Variants in NGF observed in about 807,000 individuals in gnomAD.
The protein encoded by NGF is beta-nerve growth factor.
A neutral mutation model predicts 12.8 loss-of-function variants in NGF; 4 were observed. That is an observed-to-expected ratio of 0.31 (90% CI 0.15 to 0.72). The LOEUF (loss-of-function observed/expected upper bound fraction) is 0.72, where lower values mean the gene tolerates loss of function less well. NGF is among the 30% of genes least tolerant of loss of function. The pLI, the probability that NGF is intolerant of heterozygous loss-of-function variation, is 0.69. For synonymous variants in NGF, 140 were observed against 130.0 expected, an observed-to-expected ratio of 1.08 and a Z score of -0.52; for missense variants, 283 against 330.8, an observed-to-expected ratio of 0.86 and a Z score of 1.12.
At position 115,305,375 on chromosome 1, in the gene NGF, G is replaced by T. The variant is rs184960649; in HGVS notation, c.-136-11625C>A. ...GGTGGCATGATGGACAACAGCCCAGGTCCCTTGCTCTGCAATTCACTCCTT... is the reference window on the plus strand; with the variant it reads ...GGTGGCATGATGGACAACAGCCCAGTTCCCTTGCTCTGCAATTCACTCCTT... On this transcript the variant is annotated intron_variant, in intron 1 of 2. Coordinates refer to ENST00000369512, the MANE Select transcript of NGF (RefSeq NM_002506.3). Among the ~76,000 whole-genome samples the T allele has an allele frequency of 8.5e-5, 13 of 152,284 alleles. No individual in the cohort carries two copies. In the East Asian group the frequency reaches 2.5e-3, roughly 29 times the overall value.
intron 1 of NGF, among the ~76,000 whole-genome samples, chr1:115,324,923 A>G (rs556143652): frequency 6.6e-6 from 1 of 152,336 alleles, no homozygotes; most frequent in Non-Finnish European, 1.5e-5. Context: ...GTCCCTCAAT[A>G]AACACAGCAA....
chr1:115,314,335 A>G (rs1027733352), intron 1 of NGF, among the ~76,000 whole-genome samples: 1 of 152,120 alleles, frequency 6.6e-6, no homozygotes, highest in African/African-American at 2.4e-5. Flanking sequence ...TCTGACTGGG[A>G]TTGCACCTCC....
At chr1:115,310,609 A>G (rs959044805) in intron 1 of NGF, among the ~76,000 whole-genome samples, 12 of 152,110 alleles carry the variant, frequency 7.9e-5, no homozygotes, top group African/African-American at 2.9e-4. Context: ...AGAATAATAA[A>G]CTGATAAATT....
chr1:115,329,504 G>A (rs1654857305), intron 1 of NGF, among the ~76,000 whole-genome samples: 1 of 151,998 alleles, frequency 6.6e-6, no homozygotes, highest in Non-Finnish European at 1.5e-5. Context: ...CACTTTTTTT[G>A]ACTATGACTT....
intron 1 of NGF, among the ~76,000 whole-genome samples, chr1:115,336,748 GA>G (rs955507123): frequency 6.6e-6 from 1 of 152,222 alleles, no homozygotes; most frequent in African/African-American, 2.4e-5. Context: ...TCGAGAAGGG[GA>G]AAGATTCCCT....
chr1:115,286,875 T>A, intron 2 of NGF, 68 bp from the exon 3 acceptor site: 4 of 1,592,630 alleles, frequency 2.5e-6, no homozygotes, highest in Non-Finnish European at 3.4e-6. Context: ...AGTTTCTGGG[T>A]CCCTCAGAGT....
chr1:115,328,054 G>C (rs1557947444), intron 1 of NGF, among the ~76,000 whole-genome samples: 1 of 152,146 alleles, frequency 6.6e-6, no homozygotes. Context: ...CTAAAAAGCA[G>C]CATTAAATCT....
intron 1 of NGF, among the ~76,000 whole-genome samples, chr1:115,300,104 C>G (rs1272766997): frequency 6.6e-6 from 1 of 152,176 alleles, no homozygotes; most frequent in Non-Finnish European, 1.5e-5. Flanking sequence ...ATTGAATGTC[C>G]TCGGCTCTTC....
intron 1 of NGF, among the ~76,000 whole-genome samples, chr1:115,327,995 G>C (rs760225368): frequency 1.3e-5 from 2 of 152,152 alleles, no homozygotes; most frequent in Non-Finnish European, 2.9e-5. Context: ...CTCTTTTCTC[G>C]CCTTCTGTCC....
At chr1:115,295,869 G>A (rs190598471) in intron 1 of NGF, among the ~76,000 whole-genome samples, 1 of 152,230 alleles carries the variant, frequency 6.6e-6, no homozygotes, top group Admixed American at 6.5e-5. Context: ...CAGGTCCTGT[G>A]CTGGCCACTG....
intron 2 of NGF, among the ~76,000 whole-genome samples, chr1:115,289,448 GTGGGCTC>G (rs1304990428): frequency 6.6e-6 from 1 of 152,076 alleles, no homozygotes; most frequent in Non-Finnish European, 1.5e-5. Context: ...CTCTCCTTTG[GTGGGCTC>G]CTCCTCTTCT....
At chr1:115,333,099 C>A (rs1654967640) in intron 1 of NGF, among the ~76,000 whole-genome samples, 1 of 152,148 alleles carries the variant, frequency 6.6e-6, no homozygotes, top group African/African-American at 2.4e-5. Context: ...ACCCCCTAAC[C>A]TGGGCAAGGG....
At chr1:115,333,759 CCCT>C (rs1655020734) in intron 1 of NGF, among the ~76,000 whole-genome samples, 1 of 103,612 alleles carries the variant, frequency 9.7e-6, no homozygotes. Context: ...CCTCCCTCCC[CCCT>C]CTCTCTCTTT....
chr1:115,290,261 C>G (rs2268792), intron 2 of NGF, among the ~76,000 whole-genome samples: 10,799 of 152,126 alleles, frequency 0.071, 697 homozygotes, highest in East Asian at 0.24. Flanking sequence ...GCTCCCCTAC[C>G]CTCTCAGGGC....
At chr1:115,321,846 C>T (rs961848926) in intron 1 of NGF, among the ~76,000 whole-genome samples, 1 of 152,144 alleles carries the variant, frequency 6.6e-6, no homozygotes, top group South Asian at 2.1e-4. Flanking sequence ...AAACAGATGG[C>T]AAGCCCCTTA....
intron 1 of NGF, among the ~76,000 whole-genome samples, chr1:115,294,547 T>C (rs895680385): frequency 3.9e-5 from 6 of 152,126 alleles, no homozygotes; most frequent in Admixed American, 3.3e-4. Flanking sequence ...GAGCTTACAG[T>C]GTTGTGTAAA....
chr1:115,298,144 C>G (rs1476916721), intron 1 of NGF, among the ~76,000 whole-genome samples: 1 of 152,206 alleles, frequency 6.6e-6, no homozygotes, highest in African/African-American at 2.4e-5. Context: ...CTGCCTGACC[C>G]ACGCCCAGTT....
chr1:115,298,882 G>A (rs545211646), intron 1 of NGF, among the ~76,000 whole-genome samples: 10 of 152,142 alleles, frequency 6.6e-5, no homozygotes, highest in Admixed American at 5.2e-4. Context: ...GATTAAGGAT[G>A]TGTTGTTGAG....
intron 1 of NGF, among the ~76,000 whole-genome samples, chr1:115,304,245 C>A (rs1457028050): frequency 6.6e-6 from 1 of 151,788 alleles, no homozygotes; most frequent in Non-Finnish European, 1.5e-5. Context: ...TCACTGCAAC[C>A]TCCACCTCCT....
Sources: allele counts gnomAD v4.1 joint callset (sites outside exome capture counted in the v4.1 genomes callset), GRCh38; gene constraint gnomAD v4.1.1; transcripts MANE v1.5; gene names NCBI Gene and HGNC (gene_info 2026-07-23, HGNC 2026-07-21).